Variants in BCAS3 observed in about 807,000 individuals in gnomAD.
BCAS3 encodes BCAS4/BCAS3 fusion.
Under a neutral mutation model 116.1 loss-of-function variants are expected in BCAS3, and 53 were observed. That is an observed-to-expected ratio of 0.46 (90% CI 0.37 to 0.57). The LOEUF (loss-of-function observed/expected upper bound fraction) is 0.57, where lower values mean the gene tolerates loss of function less well. Among genes scored for constraint, BCAS3 ranks in the 20% least tolerant of loss-of-function variants. The probability of loss-of-function intolerance (pLI) is 0.00; values close to 1 mark genes in which losing one functional copy is unlikely to be tolerated. For missense variants in BCAS3, 917 were observed against 1,165.4 expected (o/e 0.79, Z 3.10); for synonymous variants, 391 against 408.2 (o/e 0.96, Z 0.51).
Position 61,316,071 on chromosome 17 carries a change from G to A in BCAS3, c.2426-52256G>A, listed in dbSNP as rs1046489252. Among the ~76,000 whole-genome samples the A allele has an allele frequency of 6.6e-6, 1 of 152,134 alleles. No individual in the cohort carries two copies. The highest frequency in any genetic ancestry group is 1.5e-5 in the Non-Finnish European group (1 of 68,028). ...TTTGATCCCAGCATTTTGGGAAGTC[G>A]AGGCAGGTGGATCACCTGAGGTCAG... On this transcript the variant is annotated intron_variant, in intron 22 of 23. Transcript: ENST00000407086. The surrounding 1 kb of genome is among the most constrained non-coding windows in gnomAD (Gnocchi z 5.8).
In BCAS3 at chr17:60,747,239, C is replaced by G; in HGVS notation, c.363C>G (p.Gly121=). Residue 121 remains glycine, a synonymous_variant, in exon 6 of 24, where the codon GGC becomes GGG. Transcript: ENST00000407086. ...EAQELFSVRH[G]PIRAARILPA... is the part of the protein sequence containing the mutation. Reference sequence around the variant, plus strand: ...AAGAGCTCTTCTCTGTTCGACATGGCCCAATTCGAGCGGCTAGAATCTTGC... The same window carrying G: ...AAGAGCTCTTCTCTGTTCGACATGGGCCAATTCGAGCGGCTAGAATCTTGC... 2 of 1,613,064 alleles carry G rather than the reference C, an allele frequency of 1.2e-6. No homozygotes were observed. The highest frequency in any genetic ancestry group is 1.7e-6 in the Non-Finnish European group (2 of 1,179,178).
At position 60,825,858 on chromosome 17, in the gene BCAS3, T is replaced by G. The variant is rs1044298533; in HGVS notation, c.476+17782T>G. Among the ~76,000 whole-genome samples the G allele has an allele frequency of 5.2e-4, 56 of 107,544 alleles. 2 individuals are homozygous for G. Among genetic ancestry groups the G allele is most frequent in the African/African-American group, 1.5e-4 (2 of 13,416 alleles). 70.6% of individuals were successfully genotyped at this position (107,544 alleles called of 152,430 possible). The stretch of plus-strand genomic sequence containing the variant: ...CTTAATACTATCTCTGGGGATTCAG[T>G]TTTTTTTTTTTTTTTTTGAGACGAA... On this transcript the variant is annotated intron_variant, in intron 7 of 23. Coordinates refer to ENST00000407086, the MANE Select transcript of BCAS3 (RefSeq NM_017679.5).
At chr17:61,291,071 C>T (rs138709889) in intron 22 of BCAS3, among the ~76,000 whole-genome samples, 158 of 152,298 alleles carry the variant, frequency 1.0e-3, no homozygotes, top group African/African-American at 3.6e-3. Context: ...TGAGCCACCG[C>T]GCCCGGCCTA....
At chr17:61,024,560 G>A (rs1341909193) in intron 16 of BCAS3, among the ~76,000 whole-genome samples, 1 of 152,010 alleles carries the variant, frequency 6.6e-6, no homozygotes, top group Non-Finnish European at 1.5e-5. Flanking sequence ...GAGTTTTACG[G>A]TGCATTTTAG....
intron 20 of BCAS3, among the ~76,000 whole-genome samples, 190 bp downstream of exon 20, chr17:61,075,210 C>A (rs1298080653): frequency 6.6e-6 from 1 of 152,090 alleles, no homozygotes. Flanking sequence ...ATTATATATA[C>A]ATTATACGTG....
chr17:60,921,134 C>T (rs1252317315), intron 12 of BCAS3, among the ~76,000 whole-genome samples: 2 of 152,076 alleles, frequency 1.3e-5, no homozygotes, highest in Non-Finnish European at 2.9e-5. Flanking sequence ...ATGCTATTAA[C>T]AATAGCAAAG....
rs1271679987 is a variant in BCAS3 at position 60,747,295 on chromosome 17, A to C, written c.403+16A>C. On this transcript the variant is annotated intron_variant, in intron 6 of 23. Coordinates refer to ENST00000407086, the MANE Select transcript of BCAS3 (RefSeq NM_017679.5). ...CCACAGTTTGGTGAGTGTAGTCCTT[A>C]AGAAAAGAATCTTTCAGAAAAGAGT... The C allele has an allele frequency of 6.3e-7, 1 of 1,577,252 alleles. No individual in the cohort carries two copies. Among genetic ancestry groups the C allele is most frequent in the Non-Finnish European group, 8.7e-7 (1 of 1,152,440 alleles).
rs546142595 is a variant in BCAS3 at position 61,244,933 on chromosome 17, A to G, written c.2426-123394A>G. Among the ~76,000 whole-genome samples the G allele has an allele frequency of 6.6e-5, 10 of 152,242 alleles. No individual in the cohort carries two copies. The highest frequency in any genetic ancestry group is 3.3e-4 in the Admixed American group (5 of 15,282). On this transcript the variant is annotated intron_variant, in intron 22 of 23. Coordinates refer to ENST00000407086, the MANE Select transcript of BCAS3 (RefSeq NM_017679.5). This position sits in a 1 kb window ranked among gnomAD's most constrained non-coding sequence, Gnocchi z 4.9. ...TTTTTAAAGATTTAACTGCAATTGC[A>G]TAGTATTTTGTGATTTCATTATTCA...
intron 5 of BCAS3, among the ~76,000 whole-genome samples, chr17:60,709,929 C>G (rs1321662996): frequency 1.3e-5 from 2 of 152,182 alleles, no homozygotes; most frequent in Non-Finnish European, 2.9e-5. Flanking sequence ...GCTTATTTCA[C>G]TTATATTTCA....
At chr17:61,312,661 G>C (rs1040776108) in intron 22 of BCAS3, among the ~76,000 whole-genome samples, 1 of 152,064 alleles carries the variant, frequency 6.6e-6, no homozygotes, top group African/African-American at 2.4e-5. Context: ...AGGGGCCCTC[G>C]GGATGCTGGT....
intron 13 of BCAS3, among the ~76,000 whole-genome samples, chr17:60,932,926 A>G (rs1412513875): frequency 6.6e-6 from 1 of 151,080 alleles, no homozygotes; most frequent in African/African-American, 2.4e-5. Flanking sequence ...AGTAATCCCA[A>G]CACTTTGGGA....
intron 22 of BCAS3, among the ~76,000 whole-genome samples, chr17:61,172,808 A>C (rs1257802424): frequency 6.6e-6 from 1 of 150,652 alleles, no homozygotes; most frequent in Non-Finnish European, 1.5e-5. Context: ...ACACGGTGAA[A>C]CCCATCTCTA....
In BCAS3 at chr17:60,824,886, C is replaced by T. The variant is rs1297562837; in HGVS notation, c.476+16810C>T. ...CATTTGTAAAAATACATGGGTTGGG[C>T]TGGGCGCAGTGGCTCTTGCCCATAA... On this transcript the variant is annotated intron_variant, in intron 7 of 23. Transcript: ENST00000407086. 2.0e-5 allele frequency among the ~76,000 whole-genome samples: 3 copies of T among 152,262 alleles called. No individual in the cohort carries two copies. The East Asian group carries it at 5.8e-4, about 29-fold the overall frequency.
In BCAS3 at chr17:61,356,651, T is replaced by C. The variant is rs953102605; in HGVS notation, c.2426-11676T>C. ...CCGGGCCTGTTTATCCAGAGGTTAG[T>C]TGTAGGCAGGGGAGACAAAGAGGAC... On this transcript the variant is annotated intron_variant, in intron 22 of 23. Coordinates refer to ENST00000407086, the MANE Select transcript of BCAS3 (RefSeq NM_017679.5). This position sits in a 1 kb window ranked among gnomAD's most constrained non-coding sequence, Gnocchi z 5.4. Among the ~76,000 whole-genome samples the C allele has an allele frequency of 6.6e-6, 1 of 152,168 alleles. No individual in the cohort carries two copies. Among genetic ancestry groups the C allele is most frequent in the Non-Finnish European group, 1.5e-5 (1 of 68,030 alleles).
intron 22 of BCAS3, among the ~76,000 whole-genome samples, chr17:61,101,516 G>A (rs1284934150): frequency 6.6e-6 from 1 of 152,004 alleles, no homozygotes; most frequent in Admixed American, 6.6e-5. Context: ...TTCAAAATAT[G>A]GATTAAAGCT....
rs911527451 is a variant in BCAS3 at position 61,313,194 on chromosome 17, G to A, written c.2426-55133G>A. On this transcript the variant is annotated intron_variant, in intron 22 of 23. Transcript: ENST00000407086. The surrounding 1 kb of genome is among the most constrained non-coding windows in gnomAD (Gnocchi z 4.3). ...TTACTGCCAGGTAGAGAAAGCGAATGCTGTTATTTTGCTCTAAGAGGAAAC... is the reference window on the plus strand; with the variant it reads ...TTACTGCCAGGTAGAGAAAGCGAATACTGTTATTTTGCTCTAAGAGGAAAC... 6.6e-6 allele frequency among the ~76,000 whole-genome samples: 1 copy of A among 152,174 alleles called. No individual in the cohort carries two copies. Among genetic ancestry groups the A allele is most frequent in the African/African-American group, 2.4e-5 (1 of 41,444 alleles).
chr17:60,836,088 AT>A (rs2051347971), intron 7 of BCAS3, among the ~76,000 whole-genome samples: 2 of 152,118 alleles, frequency 1.3e-5, no homozygotes, highest in African/African-American at 4.8e-5. Flanking sequence ...GTTCCCACAT[AT>A]CTCCTGCCCG....
At chr17:61,301,971 C>G (rs1052847213) in intron 22 of BCAS3, among the ~76,000 whole-genome samples, 1 of 152,210 alleles carries the variant, frequency 6.6e-6, no homozygotes, top group Admixed American at 6.5e-5. Context: ...AAAAAGACAT[C>G]AGATCATCTC....
At chr17:60,910,442 A>G in intron 11 of BCAS3, 90 bp from the exon 12 acceptor site, 1 of 1,065,606 alleles carries the variant, frequency 9.4e-7, no homozygotes, top group East Asian at 2.9e-5. Flanking sequence ...AATAAATAAC[A>G]TAATGATTAG....
Sources: allele counts gnomAD v4.1 joint callset (sites outside exome capture counted in the v4.1 genomes callset), GRCh38; gene constraint gnomAD v4.1.1; non-coding constraint Gnocchi (gnomAD v3.1); transcripts MANE v1.5; gene names NCBI Gene and HGNC (gene_info 2026-07-23, HGNC 2026-07-21).